The following HELZ2 variants were observed in gnomAD, a reference collection of about 807,000 sequenced individuals.
The protein encoded by HELZ2 is helicase with zinc finger 2.
In HELZ2, 143 loss-of-function variants were observed where a neutral mutation model predicts 208.8. The observed-to-expected ratio is 0.68, with a 90% CI of 0.60 to 0.79. The LOEUF (loss-of-function observed/expected upper bound fraction) is 0.79, where lower values mean the gene tolerates loss of function less well. Ranked by LOEUF, HELZ2 falls within the 30% of genes least tolerant of loss-of-function variation. HELZ2 has a pLI of 0.00. For synonymous variants in HELZ2, 1,705 were observed against 1,693.7 expected (o/e 1.01, Z -0.16); for missense variants, 3,690 against 3,794.5 (o/e 0.97, Z 0.72).
At chr20:63,568,897 G>A in exon 5 of HELZ2, 1 of 1,611,340 alleles carries the variant, frequency 6.2e-7, no homozygotes, top group South Asian at 1.1e-5. Flanking sequence ...GGGAGGAGGG[G>A]ACGGGGACCT....
exon 8 of HELZ2, chr20:63,565,609 G>A (rs748700291): frequency 3.3e-5 from 53 of 1,610,108 alleles, no homozygotes; most frequent in African/African-American, 5.3e-5. Flanking sequence ...GGATGGCGTC[G>A]TCAGCGTTGA....
intron 5 of HELZ2, chr20:63,567,847 G>T: frequency 1.0e-6 from 1 of 958,006 alleles, no homozygotes; most frequent in Non-Finnish European, 1.5e-6. Flanking sequence ...CGGCTCCTCT[G>T]ACACTGCAGA....
At chr20:63,570,647 A>AGGCCCCC in intron 2 of HELZ2, 36 bp from the exon 4 acceptor site, 13 of 1,497,302 alleles carry the variant, frequency 8.7e-6, no homozygotes, top group Non-Finnish European at 1.1e-5. Context: ...AGAGGCCTGG[A>AGGCCCCC]CCCCACCCCA....
chr20:63,561,781 G>A (rs758747547), intron 11 of HELZ2, 36 bp from the exon 13 acceptor site: 43 of 1,559,058 alleles, frequency 2.8e-5, no homozygotes, highest in South Asian at 8.2e-5. Flanking sequence ...CCTGCCCCGC[G>A]TGCCAGCTCC....
downstream of HELZ2, chr20:63,558,767 A>G (rs369875087): frequency 3.3e-5 from 5 of 152,620 alleles, no homozygotes; most frequent in African/African-American, 1.2e-4. Context: ...CGAACTCCTG[A>G]CCTCAGGTGA....
rs2082890546 is a variant in HELZ2, at chr20:63,561,811, A to C, written c.6691+12T>G. On this transcript the variant is annotated intron_variant, in intron 11 of 18. Transcript: ENST00000467148. ...AGCTCCCCAAAGGCCCCCACCGCCG[A>C]CCCCGGCGCACCTGCCAGGACATCC... The C allele has an allele frequency of 7.1e-6, 11 of 1,549,300 alleles. No homozygotes were observed. Among genetic ancestry groups the C allele is most frequent in the South Asian group, 1.2e-5 (1 of 84,616 alleles).
chr20:63,563,918 C>A (rs746721648), exon 8 of HELZ2: 1 of 1,592,992 alleles, frequency 6.3e-7, no homozygotes, highest in Non-Finnish European at 8.6e-7. Flanking sequence ...GAGGTCGCGG[C>A]CTGCAGGAGC....
At position 63,566,219 on chromosome 20, in the gene HELZ2, C is replaced by T. The variant is rs761392327; in HGVS notation, c.2603G>A (p.Arg868Gln). 49 of 1,488,518 alleles carry T rather than the reference C, an allele frequency of 3.3e-5. No individual in the cohort carries two copies. The South Asian group carries it at 3.7e-4, about 11-fold the overall frequency. 92.2% of individuals were successfully genotyped at this position (1,488,518 alleles called of 1,614,324 possible). Residue 868 changes from arginine (R) to glutamine (Q), a missense_variant, in exon 8 of 19, where the codon CGG becomes CAG. By Grantham distance (43) the Arg-to-Gln change is conservative. Transcript: ENST00000467148. ...GTGCACAGTGCTGAGCACCACGACC[C>T]GGAACTGCCGCCCTGCAGGGGGCAC...
At position 63,562,951 on chromosome 20, in the gene HELZ2, C is replaced by T. The variant is rs202026638; in HGVS notation, c.5871G>A (p.Ala1957=). ...GTGTGACGGAGTCATTCTCGGCAAC[C>T]GCGCCGGTGGCCGACTCCAGGGCGC... Residue 1957 remains alanine, a synonymous_variant, in exon 8 of 19, where the codon GCG becomes GCA. Coordinates refer to ENST00000467148, the Ensembl canonical transcript of HELZ2. 1.6e-3 allele frequency: 2,565 copies of T among 1,590,256 alleles called. 1 individual carries two copies. Among genetic ancestry groups the T allele is most frequent in the Non-Finnish European group, 2.0e-3 (2,341 of 1,169,036 alleles).
Position 63,562,268 on chromosome 20 carries a change from G to A in HELZ2, c.6397+20C>T. 3 of 1,596,328 alleles carry A rather than the reference G, an allele frequency of 1.9e-6. No homozygotes were observed. The highest frequency in any genetic ancestry group is 2.2e-5 in the East Asian group (1 of 44,468). On this transcript the variant is annotated intron_variant, in intron 9 of 18. Coordinates refer to ENST00000467148, the Ensembl canonical transcript of HELZ2. ...GGGCTGGGGGCCAGAGGGGAAGCTGGAGGGGTGGGGCAGACCTACCTCTGC... is the reference window on the plus strand; with the variant it reads ...GGGCTGGGGGCCAGAGGGGAAGCTGAAGGGGTGGGGCAGACCTACCTCTGC...
chr20:63,572,168 G>A (rs756719213), exon 1 of HELZ2: 3 of 1,610,938 alleles, frequency 1.9e-6, no homozygotes, highest in Non-Finnish European at 2.5e-6. Flanking sequence ...CCAGGGCAGG[G>A]CCTGGTCGAA....
chr20:63,564,051 G>A (rs775810065), exon 8 of HELZ2: 10 of 1,605,004 alleles, frequency 6.2e-6, no homozygotes, highest in Middle Eastern at 3.3e-4. Flanking sequence ...GTGTCGGGGG[G>A]ACTGCCCCCG....
exon 8 of HELZ2, chr20:63,565,693 C>A: frequency 1.9e-6 from 3 of 1,608,478 alleles, no homozygotes; most frequent in Non-Finnish European, 2.5e-6. Flanking sequence ...CTGCAGCAGC[C>A]GCTCCTGCCG....
At chr20:63,565,531 A>C (rs310633) in exon 8 of HELZ2, 3 of 1,606,208 alleles carry the variant, frequency 1.9e-6, no homozygotes, top group South Asian at 2.2e-5. Context: ...GCCTGGCGAC[A>C]GTGTCCAGCA....
At chr20:63,558,942 A>G (rs2082845078), downstream of HELZ2, 2 of 286,228 alleles carry the variant, frequency 7.0e-6, no homozygotes, top group Admixed American at 4.8e-5. Flanking sequence ...CAGCCTCCAC[A>G]GGGTTTCCTT....
chr20:63,567,751 A>G, intron 5 of HELZ2, 124 bp from the exon 7 acceptor site: 1 of 1,465,206 alleles, frequency 6.8e-7, no homozygotes, highest in Non-Finnish European at 9.0e-7. Context: ...GTCAGAGGTG[A>G]GCAGCAAACA....
chr20:63,568,301 G>T, intron 5 of HELZ2, 57 bp downstream of exon 6: 1 of 1,327,466 alleles, frequency 7.5e-7, no homozygotes, highest in Non-Finnish European at 1.1e-6. Context: ...CCGCCTGCCC[G>T]GTGTAGACTT....
chr20:63,560,451 C>G, intron 16 of HELZ2, 28 bp downstream of exon 17: 1 of 1,603,498 alleles, frequency 6.2e-7, no homozygotes, highest in Non-Finnish European at 8.5e-7. Flanking sequence ...AGAAAGCCCT[C>G]CCTGACTCAC....
At chr20:63,569,579 G>C (rs771092012) in exon 4 of HELZ2, 12 of 1,585,052 alleles carry the variant, frequency 7.6e-6, no homozygotes, top group Non-Finnish European at 1.0e-5. Flanking sequence ...CCCGTGCGTA[G>C]AGCCGGCCTG....
Sources: gnomAD v4.1 joint callset for allele counts on GRCh38, gnomAD v4.1.1 for gene constraint, MANE v1.5 for transcripts, NCBI Gene and HGNC (gene_info 2026-07-23, HGNC 2026-07-21) for gene names.